The following RBM41 variants were observed in gnomAD, a reference collection of about 807,000 sequenced individuals.
RBM41 encodes the protein RNA binding motif protein 41, also known as RNA-binding protein 41.
RBM41 carries 14 observed loss-of-function variants against 30.8 expected under a neutral mutation model. That is an observed-to-expected ratio of 0.45 (90% confidence interval 0.30 to 0.71). The LOEUF is 0.71. Among genes scored for constraint, RBM41 ranks in the 30% least tolerant of loss-of-function variants. RBM41 has a pLI of 0.08. For synonymous variants in RBM41, 120 were observed against 110.1 expected (o/e 1.09, Z -0.56); for missense variants, 276 against 326.3 (o/e 0.85, Z 1.19).
At position 107,061,917 on chromosome X, in the gene RBM41, T is replaced by TA. The variant is rs1237676676; in HGVS notation, c.*5609dup. Among the ~76,000 whole-genome samples the TA allele has an allele frequency of 1.8e-5, 2 of 112,279 alleles. No individual in the cohort carries two copies. The highest frequency in any genetic ancestry group is 6.5e-5 in the African/African-American group (2 of 30,910). ...TTCCTCCATAAAAATAACATTTATT[T>TA]AAAAAAATTACACACAGTAAAATTC... On this transcript the variant is annotated 3_prime_UTR_variant, in exon 8 of 8. Coordinates refer to ENST00000685964, the MANE Select transcript of RBM41 (RefSeq NM_001324242.2).
In RBM41 at chrX:107,067,360, A is replaced by C; in HGVS notation, c.*167T>G. 1 of 1,068,354 alleles carries C rather than the reference A, an allele frequency of 9.4e-7. No homozygotes were observed. The highest frequency in any genetic ancestry group is 3.1e-5 in the East Asian group (1 of 32,248). The allele number at this position is 1,068,354 out of a possible 1,213,427, so 88.0% of individuals were successfully genotyped here. On this transcript the variant is annotated 3_prime_UTR_variant, in exon 8 of 8. Transcript: ENST00000685964. ...CCTATATAGTCTTCAATTATATAAT[A>C]GAAAATGTTTTCTACCAGTTCTCTC... is the stretch of plus-strand genomic sequence containing the variant.
chrX:107,116,573 C>A, intron 2 of RBM41, 77 bp downstream of exon 2: 1 of 1,155,002 alleles, frequency 8.7e-7, no homozygotes, highest in Admixed American at 2.5e-5. Flanking sequence ...AGGAACATTC[C>A]ATCTAGGCTT....
At chrX:107,098,792 G>A (rs1240317585) in intron 5 of RBM41, among the ~76,000 whole-genome samples, 1 of 111,441 alleles carries the variant, frequency 9.0e-6, no homozygotes, top group Non-Finnish European at 1.9e-5. Context: ...CCAGAAGTCA[G>A]GAGTTCGAGA....
At chrX:107,105,857 A>C (rs1477728678) in intron 5 of RBM41, among the ~76,000 whole-genome samples, 3 of 111,922 alleles carry the variant, frequency 2.7e-5, no homozygotes, top group Non-Finnish European at 3.8e-5. Flanking sequence ...CACCTTATAC[A>C]AAAATTAATT....
At chrX:107,112,238 AC>A (rs924032856) in intron 5 of RBM41, among the ~76,000 whole-genome samples, 2 of 111,656 alleles carry the variant, frequency 1.8e-5, no homozygotes, top group African/African-American at 6.5e-5. Flanking sequence ...TTGAACAGAC[AC>A]TTTAGCAAAC....
At chrX:107,071,805 A>C (rs1936075381) in intron 6 of RBM41, among the ~76,000 whole-genome samples, 1 of 112,019 alleles carries the variant, frequency 8.9e-6, no homozygotes, top group Non-Finnish European at 1.9e-5. Context: ...TCAGTATTAA[A>C]AAACTGAAAG....
chrX:107,111,445 G>A lies in RBM41; in HGVS notation c.595+1952C>T, dbSNP rs537205905. On this transcript the variant is annotated intron_variant, in intron 5 of 7. Transcript: ENST00000685964. ...CTCTTATCTTGTGCATTGCTGGTGG[G>A]AATGTAAAATGGTACAGTCTCTATG... 9.0e-5 allele frequency among the ~76,000 whole-genome samples: 10 copies of A among 111,017 alleles called. No individual in the cohort carries two copies. In the South Asian group the frequency reaches 3.8e-3, roughly 42 times the overall value.
Position 107,080,301 on chromosome X carries a change from G to A in RBM41, c.999+8135C>T, listed in dbSNP as rs188164444. Among the ~76,000 whole-genome samples, 35 of 110,052 alleles carry A rather than the reference G, an allele frequency of 3.2e-4. No homozygotes were observed. In the East Asian group the frequency reaches 7.7e-3, roughly 24 times the overall value. On this transcript the variant is annotated intron_variant, in intron 6 of 7. Coordinates refer to ENST00000685964, the MANE Select transcript of RBM41 (RefSeq NM_001324242.2). ...CATAAAAAAAAAAAAAACTGCAGCC[G>A]GGCATGGTAGCTCATGCCTGTAATC...
chrX:107,076,734 A>C (rs1321193761), intron 6 of RBM41, among the ~76,000 whole-genome samples: 1 of 111,734 alleles, frequency 8.9e-6, no homozygotes, highest in Non-Finnish European at 1.9e-5. Flanking sequence ...CAATTTAAAA[A>C]AATGGAGGAG....
At chrX:107,099,983 G>A (rs1923312462) in intron 5 of RBM41, among the ~76,000 whole-genome samples, 1 of 112,024 alleles carries the variant, frequency 8.9e-6, no homozygotes, top group African/African-American at 3.3e-5. Flanking sequence ...TAGTTTATCA[G>A]TAAACAAACT....
intron 6 of RBM41, among the ~76,000 whole-genome samples, chrX:107,077,423 G>A (rs1921053825): frequency 9.0e-6 from 1 of 111,147 alleles, no homozygotes; most frequent in African/African-American, 3.3e-5. Context: ...GTGAGCCACC[G>A]CACCTGGCCA....
chrX:107,085,765 GTTGT>G (rs1921985036), intron 6 of RBM41, among the ~76,000 whole-genome samples: 1 of 111,250 alleles, frequency 9.0e-6, no homozygotes, highest in South Asian at 3.8e-4. Context: ...TTTTTATTGT[GTTGT>G]TTGTATTTTT....
chrX:107,076,435 A>T (rs1262197090), intron 6 of RBM41, among the ~76,000 whole-genome samples: 2 of 111,103 alleles, frequency 1.8e-5, no homozygotes, highest in African/African-American at 6.5e-5. Context: ...TGTAACATGA[A>T]TGAAACTCGA....
intron 4 of RBM41, 26 bp downstream of exon 4, chrX:107,115,326 T>C (rs1268502536): frequency 1.7e-6 from 2 of 1,193,675 alleles, no homozygotes. Flanking sequence ...TGAAAGAATA[T>C]ATCAAAGTCA....
At position 107,101,215 on chromosome X, in the gene RBM41, C is replaced by T. The variant is rs770146236; in HGVS notation, c.595+12182G>A. Reference sequence around the variant, plus strand: ...GGACATATGGGGATTTTTGGAGTATCGGCATGTTCTGTTTCTTGATCTGAT... The same window carrying T: ...GGACATATGGGGATTTTTGGAGTATTGGCATGTTCTGTTTCTTGATCTGAT... On this transcript the variant is annotated intron_variant, in intron 5 of 7. Coordinates refer to ENST00000685964, the MANE Select transcript of RBM41 (RefSeq NM_001324242.2). 1.3e-4 allele frequency among the ~76,000 whole-genome samples: 15 copies of T among 111,123 alleles called. No homozygotes were observed. The South Asian group carries it at 3.8e-3, about 28-fold the overall frequency.
Position 107,064,303 on chromosome X carries a change from ACTGCTTTAG to A in RBM41, c.*3215_*3223del, listed in dbSNP as rs1229492401. On this transcript the variant is annotated 3_prime_UTR_variant, in exon 8 of 8. Coordinates refer to ENST00000685964, the MANE Select transcript of RBM41 (RefSeq NM_001324242.2). ...TGTACCTATAGATTTCCCTGTAAAC[ACTGCTTTAG>A]CTGCATCTTGTAAGTTTTGGTTTGT... 2 of 110,964 alleles carry A rather than the reference ACTGCTTTAG, an allele frequency of 1.8e-5. No homozygotes were observed. Among genetic ancestry groups the A allele is most frequent in the African/African-American group, 6.6e-5 (2 of 30,485 alleles). The allele number at this position is 110,964 out of a possible 1,213,427, so 9.1% of individuals were successfully genotyped here.
Position 107,115,395 on chromosome X carries a change from C to T in RBM41, c.480G>A (p.Gln160=). 8.3e-7 allele frequency: 1 copy of T among 1,211,996 alleles called. No homozygotes were observed. Residue 160 remains glutamine, a synonymous_variant, in exon 4 of 8, where the codon CAG becomes CAA. Coordinates refer to ENST00000685964, the MANE Select transcript of RBM41 (RefSeq NM_001324242.2). ...REMEIEKSLF[Q]GADRHSFLKA... is the part of the protein sequence containing the mutation. ...TAAGGAAGGAGTGACGATCAGCTCC[C>T]TGAAATAAAGACTTTTCTATTTCCA...
intron 5 of RBM41, among the ~76,000 whole-genome samples, chrX:107,101,692 G>T (rs888588069): frequency 8.9e-6 from 1 of 112,169 alleles, no homozygotes; most frequent in Non-Finnish European, 1.9e-5. Flanking sequence ...CCACAACTGT[G>T]AGGGAATAAC....
Position 107,113,390 on chromosome X carries a change from G to A in RBM41, c.595+7C>T, listed in dbSNP as rs1402430534. ...AGTCTAACACTATAAGAAAACTCTC[G>A]ACTTGCCTTTTGTGCCTAATTTTAT... On this transcript the variant is annotated splice_region_variant and intron_variant, in intron 5 of 7. Coordinates refer to ENST00000685964, the MANE Select transcript of RBM41 (RefSeq NM_001324242.2). 2 of 982,202 alleles carry A rather than the reference G, an allele frequency of 2.0e-6. No individual in the cohort carries two copies. Among genetic ancestry groups the A allele is most frequent in the Non-Finnish European group, 2.6e-6 (2 of 755,869 alleles). The allele number at this position is 982,202 out of a possible 1,213,427, so 80.9% of individuals were successfully genotyped here.
Sources: gnomAD v4.1 joint callset for allele counts (sites outside exome capture counted in the v4.1 genomes callset) on GRCh38, gnomAD v4.1.1 for gene constraint, MANE v1.5 for transcripts, NCBI Gene and HGNC (gene_info 2026-07-23, HGNC 2026-07-21) for gene names.